DOCK1: variants seen among roughly 807,000 people sequenced by gnomAD.
The protein encoded by DOCK1 is dedicator of cytokinesis 1.
Under a neutral mutation model 262.7 loss-of-function variants are expected in DOCK1, and 138 were observed. The ratio of observed to expected loss-of-function variants is 0.53; its 90% CI spans 0.46 to 0.61. The LOEUF is 0.61. DOCK1 is among the 20% of genes least tolerant of loss of function. The pLI is 0.00. For synonymous variants in DOCK1, 866 were observed against 867.4 expected (o/e 1.00, Z 0.03); for missense variants, 1,908 against 2,370.7 (o/e 0.80, Z 4.05).
At chr10:127,101,296 G>C (rs770531614) in intron 23 of DOCK1, among the ~76,000 whole-genome samples, 1 of 152,106 alleles carries the variant, frequency 6.6e-6, no homozygotes, top group Non-Finnish European at 1.5e-5. Flanking sequence ...GGAGAGTGGA[G>C]AAGGAGAGGA....
At chr10:127,358,952 A>T (rs1044788271) in intron 32 of DOCK1, among the ~76,000 whole-genome samples, 1 of 152,106 alleles carries the variant, frequency 6.6e-6, no homozygotes, top group African/African-American at 2.4e-5. Flanking sequence ...TAGACTCTAG[A>T]TGGGCTATGA....
chr10:127,262,387 A>G (rs2060205245), intron 29 of DOCK1, among the ~76,000 whole-genome samples: 1 of 152,182 alleles, frequency 6.6e-6, no homozygotes, highest in African/African-American at 2.4e-5. Flanking sequence ...CCCAGTTGAC[A>G]CATTCAGCAG....
chr10:127,041,671 C>G (rs2044023057), intron 19 of DOCK1, among the ~76,000 whole-genome samples: 1 of 152,214 alleles, frequency 6.6e-6, no homozygotes, highest in South Asian at 2.1e-4. Context: ...TTGTACATTT[C>G]TACCAGCAGT....
At chr10:126,999,905 G>A (rs991585446) in intron 9 of DOCK1, among the ~76,000 whole-genome samples, 1 of 152,154 alleles carries the variant, frequency 6.6e-6, no homozygotes, top group Admixed American at 6.6e-5. Context: ...TCAAACTCCT[G>A]ACCTCGTGAT....
rs765656697 is a variant in DOCK1, at chr10:127,145,977, C to T, written c.2847+18213C>T. 1.6e-5 allele frequency: 8 copies of T among 514,742 alleles called. 1 individual carries two copies. The highest frequency in any genetic ancestry group is 1.1e-4 in the South Asian group (8 of 70,350). 31.9% of individuals were successfully genotyped at this position (514,742 alleles called of 1,614,324 possible). On this transcript the variant is annotated intron_variant, in intron 27 of 51. Coordinates refer to ENST00000623213, the MANE Select transcript of DOCK1 (RefSeq NM_001290223.2). Reference sequence around the variant, plus strand: ...ACGCCTATCTGTGAGGAAGAACCTGCCCTGGGGACCCCGCACCCTGAATTC... The same window carrying T: ...ACGCCTATCTGTGAGGAAGAACCTGTCCTGGGGACCCCGCACCCTGAATTC...
At chr10:127,114,367 T>A (rs550077546) in intron 25 of DOCK1, among the ~76,000 whole-genome samples, 1 of 152,142 alleles carries the variant, frequency 6.6e-6, no homozygotes, top group African/African-American at 2.4e-5. Flanking sequence ...AGGTTTGGAT[T>A]CACATGGGGA....
chr10:127,122,819 G>T (rs1564819043), intron 25 of DOCK1, among the ~76,000 whole-genome samples: 1 of 152,044 alleles, frequency 6.6e-6, no homozygotes, highest in Non-Finnish European at 1.5e-5. Flanking sequence ...AACCAAAGAT[G>T]GTTGATAGCA....
intron 29 of DOCK1, among the ~76,000 whole-genome samples, chr10:127,265,363 C>T (rs1371317468): frequency 6.6e-6 from 1 of 151,944 alleles, no homozygotes; most frequent in African/African-American, 2.4e-5. Flanking sequence ...TATTTATTTC[C>T]AGTGTCTGTG....
intron 1 of DOCK1, among the ~76,000 whole-genome samples, chr10:126,966,206 A>G (rs2037665593): frequency 6.6e-6 from 1 of 152,108 alleles, no homozygotes. Context: ...TTTTTTTTAA[A>G]TGGCTGAATT....
chr10:127,169,213 A>C (rs978622670), intron 27 of DOCK1, among the ~76,000 whole-genome samples: 1 of 152,206 alleles, frequency 6.6e-6, no homozygotes, highest in Non-Finnish European at 1.5e-5. Flanking sequence ...ACAGAGTTCC[A>C]AAGCAGGACC....
chr10:127,105,047 G>A (rs1313712540), intron 23 of DOCK1, among the ~76,000 whole-genome samples: 2 of 152,146 alleles, frequency 1.3e-5, no homozygotes, highest in East Asian at 1.9e-4. Flanking sequence ...TGAGCAGCAG[G>A]TTTTTCCTGT....
At chr10:127,083,863 C>T (rs888468724) in intron 23 of DOCK1, among the ~76,000 whole-genome samples, 2 of 152,210 alleles carry the variant, frequency 1.3e-5, no homozygotes, top group Admixed American at 6.5e-5. Context: ...CTCTACCTTG[C>T]TTTAACGTAG....
intron 22 of DOCK1, among the ~76,000 whole-genome samples, chr10:127,055,640 G>C (rs1039903677): frequency 2.6e-5 from 4 of 152,234 alleles, no homozygotes; most frequent in Non-Finnish European, 4.4e-5. Context: ...TGTTCCCTGA[G>C]AGCTTCCCTA....
chr10:127,224,860 T>C (rs962745330), intron 27 of DOCK1, among the ~76,000 whole-genome samples: 3 of 152,106 alleles, frequency 2.0e-5, no homozygotes, highest in Non-Finnish European at 2.9e-5. Flanking sequence ...AAGGAGTGCA[T>C]GCATTAAACA....
At chr10:127,394,599 A>G (rs990009587) in intron 38 of DOCK1, among the ~76,000 whole-genome samples, 2 of 152,230 alleles carry the variant, frequency 1.3e-5, no homozygotes, top group African/African-American at 4.8e-5. Context: ...TGATATTAGC[A>G]GAACCTATTC....
chr10:127,332,539 G>C (rs1445994691), intron 29 of DOCK1, among the ~76,000 whole-genome samples: 3 of 152,002 alleles, frequency 2.0e-5, no homozygotes, highest in Non-Finnish European at 4.4e-5. Context: ...AGACTCCAGA[G>C]CCCCACATCC....
chr10:127,248,156 G>T, intron 28 of DOCK1, 47 bp downstream of exon 28: 1 of 1,508,340 alleles, frequency 6.6e-7, no homozygotes, highest in Non-Finnish European at 9.2e-7. Flanking sequence ...TTTAGGGCCA[G>T]CACTTTAGAC....
intron 32 of DOCK1, among the ~76,000 whole-genome samples, chr10:127,355,585 C>T (rs2064106247): frequency 6.6e-6 from 1 of 152,200 alleles, no homozygotes; most frequent in African/African-American, 2.4e-5. Flanking sequence ...TTCAAATGGA[C>T]ACGAGAAGCC....
chr10:126,911,873 A>G (rs2031821031), intron 1 of DOCK1, among the ~76,000 whole-genome samples: 1 of 152,188 alleles, frequency 6.6e-6, no homozygotes, highest in Non-Finnish European at 1.5e-5. Context: ...ATATGATGGG[A>G]AGTGCTTTGG....
Sources: allele counts gnomAD v4.1 joint callset (sites outside exome capture counted in the v4.1 genomes callset), GRCh38; gene constraint gnomAD v4.1.1; transcripts MANE v1.5; gene names NCBI Gene and HGNC (gene_info 2026-07-23, HGNC 2026-07-21).